The following ZBTB7C variants were observed in gnomAD, a reference collection of about 807,000 sequenced individuals.
ZBTB7C encodes the protein zinc finger and BTB domain-containing protein 7C.
In ZBTB7C, 8 loss-of-function variants were observed where a neutral mutation model predicts 25.7. The ratio of observed to expected loss-of-function variants is 0.31; its 90% CI spans 0.18 to 0.56. The LOEUF is 0.56. Among genes scored for constraint, ZBTB7C ranks in the 20% least tolerant of loss-of-function variants. The pLI, the probability that ZBTB7C is intolerant of heterozygous loss-of-function variation, is 0.91. For missense variants in ZBTB7C, 824 were observed against 855.2 expected (o/e 0.96, Z 0.46); for synonymous variants, 394 against 369.0 (o/e 1.07, Z -0.78).
chr18:48,129,314 G>T (rs961177156), intron 3 of ZBTB7C, among the ~76,000 whole-genome samples: 6 of 140,360 alleles, frequency 4.3e-5, no homozygotes, highest in Admixed American at 3.7e-4. Flanking sequence ...CAATGTTTAT[G>T]TATTAACTGA....
At chr18:48,218,485 C>A (rs148477095) in intron 2 of ZBTB7C, among the ~76,000 whole-genome samples, 3 of 152,350 alleles carry the variant, frequency 2.0e-5, no homozygotes, top group Admixed American at 1.3e-4. Context: ...GGCGTGCACA[C>A]GCATGGGACA....
chr18:48,341,855 A>G (rs1017534017), intron 1 of ZBTB7C, among the ~76,000 whole-genome samples: 2 of 152,134 alleles, frequency 1.3e-5, no homozygotes, highest in Non-Finnish European at 2.9e-5. Context: ...TGTGATCTGG[A>G]GATGTTGAGG....
Position 48,281,784 on chromosome 18 carries a change from T to A in ZBTB7C, c.-79+56390A>T, listed in dbSNP as rs1025712867. ...AGATACCATCTCACACCAGTTAGAA[T>A]GGCAATCATTAAAAAGTCAGGAAAC... is the stretch of plus-strand genomic sequence containing the variant. On this transcript the variant is annotated intron_variant, in intron 2 of 4. Coordinates refer to ENST00000590800, the MANE Select transcript of ZBTB7C (RefSeq NM_001318841.2). Among the ~76,000 whole-genome samples the A allele has an allele frequency of 2.2e-3, 336 of 151,192 alleles. 3 individuals carry two copies. Among genetic ancestry groups the A allele is most frequent in the East Asian group, 0.015 (80 of 5,164 alleles).
intron 1 of ZBTB7C, among the ~76,000 whole-genome samples, chr18:48,358,485 T>A (rs949640603): frequency 6.6e-6 from 1 of 152,244 alleles, no homozygotes; most frequent in Non-Finnish European, 1.5e-5. Flanking sequence ...CAGAAGCAGA[T>A]GCTGGAGCCA....
intron 4 of ZBTB7C, among the ~76,000 whole-genome samples, chr18:48,034,471 C>G (rs2035885579): frequency 6.6e-6 from 1 of 152,094 alleles, no homozygotes; most frequent in South Asian, 2.1e-4. Context: ...CCCAGAAGGC[C>G]AAGCCCAGAG....
In ZBTB7C at chr18:48,040,607, G is replaced by A; in HGVS notation, c.501C>T (p.Asp167=). The change falls in exon 4 of 5, where the codon GAC becomes GAT. Residue 167 remains aspartate (D), a synonymous_variant. Transcript: ENST00000590800. ...TTTCTTGGTCAGCAAAGTCCTCCGT[G>A]TCATCATCGTCATCCTCCTCCTCTT... ...EEEEEEDDDD[D]TEDFADQENL... is the part of the protein sequence containing the mutation. The A allele has an allele frequency of 6.2e-7, 1 of 1,613,752 alleles. No homozygotes were observed. The highest frequency in any genetic ancestry group is 8.5e-7 in the Non-Finnish European group (1 of 1,179,882).
At chr18:48,237,504 A>G (rs1455290566) in intron 2 of ZBTB7C, among the ~76,000 whole-genome samples, 1 of 152,234 alleles carries the variant, frequency 6.6e-6, no homozygotes, top group African/African-American at 2.4e-5. Flanking sequence ...GCTATCAGGG[A>G]AATGAAAATT....
intron 2 of ZBTB7C, among the ~76,000 whole-genome samples, chr18:48,247,827 C>T (rs929111521): frequency 6.6e-6 from 1 of 152,204 alleles, no homozygotes; most frequent in Non-Finnish European, 1.5e-5. Context: ...GATAGTTCCT[C>T]CTGCATTCAT....
chr18:48,045,398 A>T (rs2036428774), intron 3 of ZBTB7C, among the ~76,000 whole-genome samples: 1 of 152,210 alleles, frequency 6.6e-6, no homozygotes, highest in African/African-American at 2.4e-5. Context: ...AGAGAAGAAA[A>T]TAGAGCTGTG....
chr18:48,031,168 T>G (rs7241436), intron 4 of ZBTB7C, among the ~76,000 whole-genome samples: 1,718 of 152,324 alleles, frequency 0.011, 28 homozygotes, highest in African/African-American at 0.038. Context: ...GGTCCTAGGC[T>G]CCTGGTGTCT....
chr18:48,290,071 A>G (rs528696685), intron 2 of ZBTB7C, among the ~76,000 whole-genome samples: 1 of 152,286 alleles, frequency 6.6e-6, no homozygotes, highest in Non-Finnish European at 1.5e-5. Flanking sequence ...CACCTTCTTT[A>G]TAGGGTTCTT....
chr18:48,058,636 A>G (rs996251374), intron 3 of ZBTB7C, among the ~76,000 whole-genome samples: 1 of 152,142 alleles, frequency 6.6e-6, no homozygotes, highest in Non-Finnish European at 1.5e-5. Flanking sequence ...AGCCTCCGGA[A>G]TGGCTCCCAA....
At chr18:48,160,953 T>TTC (rs1205382315) in intron 3 of ZBTB7C, among the ~76,000 whole-genome samples, 3 of 145,318 alleles carry the variant, frequency 2.1e-5, no homozygotes, top group Non-Finnish European at 4.5e-5. Context: ...TTTTTTTTTT[T>TTC]CCAGTGCCGG....
intron 2 of ZBTB7C, among the ~76,000 whole-genome samples, chr18:48,337,073 G>C (rs1438797646): frequency 1.3e-5 from 2 of 152,196 alleles, no homozygotes; most frequent in African/African-American, 4.8e-5. Flanking sequence ...CAGCTTTCTA[G>C]ATTCCTTCTT....
intron 3 of ZBTB7C, among the ~76,000 whole-genome samples, chr18:48,136,427 A>T (rs2040163845): frequency 6.6e-6 from 1 of 152,136 alleles, no homozygotes; most frequent in Admixed American, 6.5e-5. Flanking sequence ...CCGCGCGCCT[A>T]GCTGGACTTC....
intron 2 of ZBTB7C, among the ~76,000 whole-genome samples, chr18:48,228,677 T>C (rs1403767879): frequency 6.6e-6 from 1 of 151,954 alleles, no homozygotes; most frequent in Non-Finnish European, 1.5e-5. Flanking sequence ...CAGGAGGCTC[T>C]GAGTAGAAGC....
At chr18:48,327,772 C>T (rs1348905477) in intron 2 of ZBTB7C, among the ~76,000 whole-genome samples, 2 of 149,484 alleles carry the variant, frequency 1.3e-5, no homozygotes, top group East Asian at 1.9e-4. Flanking sequence ...GGCACCCAAA[C>T]AGCAAATCAA....
At chr18:48,237,666 A>C (rs2043417631) in intron 2 of ZBTB7C, among the ~76,000 whole-genome samples, 1 of 152,076 alleles carries the variant, frequency 6.6e-6, no homozygotes, top group South Asian at 2.1e-4. Flanking sequence ...TGCAAAAAAA[A>C]AAAGCAGTTT....
intron 3 of ZBTB7C, among the ~76,000 whole-genome samples, chr18:48,126,800 G>A (rs552994903): frequency 1.2e-4 from 19 of 152,212 alleles, no homozygotes; most frequent in Admixed American, 7.8e-4. Context: ...CATTTGTGTG[G>A]AGGATCTAAA....
Sources: gnomAD v4.1 joint callset for allele counts (sites outside exome capture counted in the v4.1 genomes callset) on GRCh38, gnomAD v4.1.1 for gene constraint, MANE v1.5 for transcripts, NCBI Gene and HGNC (gene_info 2026-07-23, HGNC 2026-07-21) for gene names.